GBE1: variants seen among roughly 807,000 people sequenced by gnomAD.
GBE1 encodes 1,4-alpha-glucan-branching enzyme.
In GBE1, 70 loss-of-function variants were observed where a neutral mutation model predicts 88.8. The ratio of observed to expected loss-of-function variants is 0.79; its 90% CI spans 0.65 to 0.96. The LOEUF (loss-of-function observed/expected upper bound fraction) is 0.96. GBE1 is among the 40% of genes least tolerant of loss of function. The pLI is 0.00. For missense variants in GBE1, 872 were observed against 871.0 expected, an observed-to-expected ratio of 1.00 and a Z score of -0.01; for synonymous variants, 284 against 300.1, an observed-to-expected ratio of 0.95 and a Z score of 0.56.
chr3:81,628,666 C>T (rs1460715186), intron 7 of GBE1, among the ~76,000 whole-genome samples: 1 of 145,822 alleles, frequency 6.9e-6, no homozygotes, highest in Non-Finnish European at 1.5e-5. Flanking sequence ...GTCTGTTTCA[C>T]CATATATTTA....
At chr3:81,501,202 A>T (rs1702582157) in intron 14 of GBE1, among the ~76,000 whole-genome samples, 1 of 152,232 alleles carries the variant, frequency 6.6e-6, no homozygotes, top group Non-Finnish European at 1.5e-5. Flanking sequence ...ACAAGACACA[A>T]GAGCTTGTGC....
rs1426586438 is a variant in GBE1 at position 81,579,042 on chromosome 3, A to G, written c.1447-946T>C. On this transcript the variant is annotated intron_variant, in intron 11 of 15. Transcript: ENST00000429644. Reference sequence around the variant, plus strand: ...TTCTTTAATTATGTTTTTAGCTATAATTATTTATTTCTACAATCTCTGATT... The same window carrying G: ...TTCTTTAATTATGTTTTTAGCTATAGTTATTTATTTCTACAATCTCTGATT... Among the ~76,000 whole-genome samples the G allele has an allele frequency of 3.9e-5, 6 of 151,992 alleles. No homozygotes were observed. The East Asian group carries it at 1.2e-3, about 29-fold the overall frequency.
chr3:81,747,757 G>C (rs901404602), intron 1 of GBE1, among the ~76,000 whole-genome samples: 1 of 152,102 alleles, frequency 6.6e-6, no homozygotes, highest in Non-Finnish European at 1.5e-5. Context: ...TCCTGGCTCA[G>C]AAGCTCCCCC....
At chr3:81,564,255 T>A (rs551999320) in intron 12 of GBE1, among the ~76,000 whole-genome samples, 12 of 152,174 alleles carry the variant, frequency 7.9e-5, no homozygotes, top group Admixed American at 5.9e-4. Flanking sequence ...CTAGCTTAGA[T>A]GGATGAAAAA....
At chr3:81,493,529 ATT>A (rs200270254) in intron 15 of GBE1, among the ~76,000 whole-genome samples, 2 of 144,146 alleles carry the variant, frequency 1.4e-5, no homozygotes, top group African/African-American at 5.1e-5. Context: ...GCTTGTCTAA[ATT>A]TTTTTTTTTT....
chr3:81,734,667 C>T (rs1706236221), intron 1 of GBE1, among the ~76,000 whole-genome samples: 1 of 152,050 alleles, frequency 6.6e-6, no homozygotes, highest in South Asian at 2.1e-4. Flanking sequence ...ATGATGAGAT[C>T]AGAAGACTTT....
At chr3:81,640,700 A>G (rs1704665310) in intron 7 of GBE1, among the ~76,000 whole-genome samples, 1 of 151,968 alleles carries the variant, frequency 6.6e-6, no homozygotes, top group African/African-American at 2.4e-5. Context: ...CTATATAGAA[A>G]ATACTAATTC....
At chr3:81,732,286 AT>A (rs939749909) in intron 1 of GBE1, among the ~76,000 whole-genome samples, 5 of 152,174 alleles carry the variant, frequency 3.3e-5, no homozygotes, top group African/African-American at 1.2e-4. Context: ...AATACAGCAT[AT>A]TTTATATTAG....
intron 1 of GBE1, among the ~76,000 whole-genome samples, chr3:81,717,190 CT>C (rs1177949166): frequency 6.6e-6 from 1 of 152,172 alleles, no homozygotes; most frequent in African/African-American, 2.4e-5. Flanking sequence ...TCTTAGTCTA[CT>C]GATTTCTAGG....
intron 2 of GBE1, among the ~76,000 whole-genome samples, chr3:81,690,225 A>T (rs943046053): frequency 6.6e-6 from 1 of 152,218 alleles, no homozygotes; most frequent in Non-Finnish European, 1.5e-5. Flanking sequence ...GTTCTCTGAC[A>T]TCCACTAGAC....
At chr3:81,743,651 G>A (rs1706381985) in intron 1 of GBE1, 1 of 1,497,114 alleles carries the variant, frequency 6.7e-7, no homozygotes, top group Non-Finnish European at 9.0e-7. Flanking sequence ...AAAGGTCTAG[G>A]GCTATTAAAG....
intron 14 of GBE1, among the ~76,000 whole-genome samples, chr3:81,508,063 C>T (rs751083469): frequency 6.6e-6 from 1 of 152,136 alleles, no homozygotes; most frequent in Non-Finnish European, 1.5e-5. Flanking sequence ...GATTACTATG[C>T]TTTCTGAAAT....
At chr3:81,670,991 T>C (rs1705181445) in intron 2 of GBE1, 38 bp from the exon 3 acceptor site, 2 of 876,634 alleles carry the variant, frequency 2.3e-6, no homozygotes, top group Non-Finnish European at 3.4e-6. Context: ...AACAGCATGA[T>C]AGGACTAATA....
At chr3:81,630,117 T>C (rs2107032981) in intron 7 of GBE1, among the ~76,000 whole-genome samples, 1 of 152,290 alleles carries the variant, frequency 6.6e-6, no homozygotes, top group South Asian at 2.1e-4. Flanking sequence ...AGTCTATCAT[T>C]GTTGGACATC....
chr3:81,755,509 A>ATATC lies in GBE1; in HGVS notation c.143+5862_143+5865dup, dbSNP rs147783167. On this transcript the variant is annotated intron_variant, in intron 1 of 15. Coordinates refer to ENST00000429644, the MANE Select transcript of GBE1 (RefSeq NM_000158.4). ...GAAATAAAATCAGTATGTTGAAAAG[A>ATATC]TATCTGCACTCCCATGTTTATTGCA... Among the ~76,000 whole-genome samples, 417 of 152,312 alleles carry ATATC rather than the reference A, an allele frequency of 2.7e-3. 1 individual carries two copies. Among genetic ancestry groups the ATATC allele is most frequent in the Non-Finnish European group, 4.3e-3 (293 of 68,004 alleles).
chr3:81,573,185 C>A (rs1262806995), intron 12 of GBE1, among the ~76,000 whole-genome samples: 2 of 152,054 alleles, frequency 1.3e-5, no homozygotes, highest in Non-Finnish European at 2.9e-5. Context: ...GATTGAAACT[C>A]ATCTTTTCAT....
Position 81,752,830 on chromosome 3 carries a change from A to T in GBE1, c.143+8545T>A, listed in dbSNP as rs560017302. Among the ~76,000 whole-genome samples the T allele has an allele frequency of 1.1e-4, 16 of 152,318 alleles. No homozygotes were observed. The East Asian group carries it at 3.1e-3, about 29-fold the overall frequency. On this transcript the variant is annotated intron_variant, in intron 1 of 15. Transcript: ENST00000429644. Reference sequence around the variant, plus strand: ...GTTGTGGGGAATTTCTGGTCATGGTATTTATCTGATGATTGATTTCAGAAT... The same window carrying T: ...GTTGTGGGGAATTTCTGGTCATGGTTTTTATCTGATGATTGATTTCAGAAT...
At chr3:81,670,749 T>C in intron 3 of GBE1, 89 bp downstream of exon 3, 1 of 686,078 alleles carries the variant, frequency 1.5e-6, no homozygotes, top group Non-Finnish European at 2.4e-6. Flanking sequence ...CATGCATCAG[T>C]TGTACATTCT....
At chr3:81,501,417 G>C (rs1326710934) in intron 14 of GBE1, among the ~76,000 whole-genome samples, 1 of 152,228 alleles carries the variant, frequency 6.6e-6, no homozygotes, top group East Asian at 1.9e-4. Context: ...AGGTAGAAAG[G>C]AGGGGATCAA....
Sources: allele counts gnomAD v4.1 joint callset (sites outside exome capture counted in the v4.1 genomes callset), GRCh38; gene constraint gnomAD v4.1.1; transcripts MANE v1.5; gene names NCBI Gene and HGNC (gene_info 2026-07-23, HGNC 2026-07-21).